The following ADARB2 variants were observed in gnomAD, a reference collection of about 807,000 sequenced individuals.
ADARB2 encodes the protein adenosine deaminase RNA specific B2 (inactive).
A neutral mutation model predicts 62.2 loss-of-function variants in ADARB2; 25 were observed. The observed-to-expected ratio is 0.40, with a 90% confidence interval of 0.29 to 0.56. The LOEUF (loss-of-function observed/expected upper bound fraction) is 0.56, where lower values mean the gene tolerates loss of function less well. Among genes scored for constraint, ADARB2 ranks in the 20% least tolerant of loss-of-function variants. The probability of loss-of-function intolerance (pLI) is 0.43; values close to 1 mark genes in which losing one functional copy is unlikely to be tolerated. For synonymous variants in ADARB2, 572 were observed against 500.8 expected, an observed-to-expected ratio of 1.14 and a Z score of -1.90; for missense variants, 1,071 against 1,077.4, an observed-to-expected ratio of 0.99 and a Z score of 0.08.
At chr10:1,232,344 CTGTGTGTGG>C (rs1279401212) in intron 6 of ADARB2, among the ~76,000 whole-genome samples, 6 of 151,834 alleles carry the variant, frequency 4.0e-5, no homozygotes, top group Non-Finnish European at 7.4e-5. Flanking sequence ...GTTGTATATG[CTGTGTGTGG>C]TGTGTGTGGT....
At chr10:1,663,620 ATT>A (rs55695844) in intron 1 of ADARB2, among the ~76,000 whole-genome samples, 9 of 148,368 alleles carry the variant, frequency 6.1e-5, no homozygotes, top group African/African-American at 1.7e-4. Flanking sequence ...TGACAAATGA[ATT>A]TTTTTTTTTT....
intron 3 of ADARB2, among the ~76,000 whole-genome samples, chr10:1,349,068 T>TA (rs1832109491): frequency 6.6e-6 from 1 of 152,082 alleles, no homozygotes; most frequent in African/African-American, 2.4e-5. Context: ...GACCTGCAGG[T>TA]ACACATCCAG....
In ADARB2 at chr10:1,351,494, T is replaced by C. The variant is rs188261995; in HGVS notation, c.1077+11534A>G. 1.6e-3 allele frequency among the ~76,000 whole-genome samples: 243 copies of C among 152,112 alleles called. 2 individuals carry two copies. The highest frequency in any genetic ancestry group is 5.7e-3 in the African/African-American group (236 of 41,486). Reference sequence around the variant, plus strand: ...CTTTTAGTTATCCCCACCTGCCCAGTTCCCTTATTAGGCCGAGACACTTTA... The same window carrying C: ...CTTTTAGTTATCCCCACCTGCCCAGCTCCCTTATTAGGCCGAGACACTTTA... On this transcript the variant is annotated intron_variant, in intron 3 of 9. Coordinates refer to ENST00000381312, the MANE Select transcript of ADARB2 (RefSeq NM_018702.4).
At chr10:1,610,379 C>T (rs1312987567) in intron 1 of ADARB2, among the ~76,000 whole-genome samples, 2 of 152,240 alleles carry the variant, frequency 1.3e-5, no homozygotes, top group African/African-American at 2.4e-5. Flanking sequence ...TTGCTCCCCT[C>T]TGTCCCCACA....
intron 1 of ADARB2, among the ~76,000 whole-genome samples, chr10:1,599,549 T>C (rs1251168908): frequency 2.0e-5 from 3 of 152,102 alleles, no homozygotes; most frequent in Non-Finnish European, 4.4e-5. Flanking sequence ...GAGCCGTTAA[T>C]TAATATTTTA....
Position 1,270,940 on chromosome 10 carries a change from A to G in ADARB2, c.1192+15T>C, listed in dbSNP as rs935344615. ...TAGAGATGAAAATGCCCACAGGAAAAGAGGAGGTGGCTACCTTTGGTCATG... is the reference window on the plus strand; with the variant it reads ...TAGAGATGAAAATGCCCACAGGAAAGGAGGAGGTGGCTACCTTTGGTCATG... On this transcript the variant is annotated intron_variant, in intron 4 of 9. Coordinates refer to ENST00000381312, the MANE Select transcript of ADARB2 (RefSeq NM_018702.4). The G allele has an allele frequency of 4.0e-5, 65 of 1,610,254 alleles. No individual in the cohort carries two copies. The highest frequency in any genetic ancestry group is 5.0e-5 in the Non-Finnish European group (59 of 1,177,194).
intron 1 of ADARB2, among the ~76,000 whole-genome samples, chr10:1,567,818 G>A (rs1164140567): frequency 6.6e-6 from 1 of 152,240 alleles, no homozygotes; most frequent in Non-Finnish European, 1.5e-5. Flanking sequence ...GAAGGAATGG[G>A]AAACTGAGGA....
At chr10:1,730,898 G>A (rs1017604902) in intron 1 of ADARB2, among the ~76,000 whole-genome samples, 33 of 152,078 alleles carry the variant, frequency 2.2e-4, no homozygotes, top group Non-Finnish European at 3.8e-4. Context: ...CCAGAAACTA[G>A]ATACTAACTG....
chr10:1,355,767 T>C (rs1832188922), intron 3 of ADARB2, among the ~76,000 whole-genome samples: 1 of 152,244 alleles, frequency 6.6e-6, no homozygotes, highest in African/African-American at 2.4e-5. Context: ...CAGAAGCTAT[T>C]ATATAAATGT....
chr10:1,325,217 T>C (rs1229807567), intron 3 of ADARB2, among the ~76,000 whole-genome samples: 1 of 152,004 alleles, frequency 6.6e-6, no homozygotes, highest in African/African-American at 2.4e-5. Context: ...GGACACAGAG[T>C]CCTCTACCGG....
chr10:1,721,365 T>C (rs1364544000), intron 1 of ADARB2, among the ~76,000 whole-genome samples: 2 of 152,220 alleles, frequency 1.3e-5, no homozygotes, highest in Non-Finnish European at 2.9e-5. Context: ...AAAGAACAAG[T>C]ATCAAACACA....
chr10:1,180,492 A>C lies in ADARB2; in HGVS notation c.*2701T>G, dbSNP rs977848438. ...CCTTCGGGCACTCCTGGCACTGTGG[A>C]ATCCTAGGACCTGGCCCTTCCTGGC... On this transcript the variant is annotated 3_prime_UTR_variant, in exon 10 of 10. Transcript: ENST00000381312. 5 of 152,724 alleles carry C rather than the reference A, an allele frequency of 3.3e-5. No homozygotes were observed. The highest frequency in any genetic ancestry group is 4.8e-5 in the African/African-American group (2 of 41,436). 9.5% of individuals were successfully genotyped at this position (152,724 alleles called of 1,614,324 possible). A position where few individuals can be genotyped will look rare whatever the true frequency, so the allele number is the denominator to read the frequency against.
intron 1 of ADARB2, among the ~76,000 whole-genome samples, chr10:1,450,006 C>T (rs1831017436): frequency 6.6e-6 from 1 of 152,204 alleles, no homozygotes; most frequent in Non-Finnish European, 1.5e-5. Flanking sequence ...GCAAGGAGGC[C>T]GTGGCCAGCA....
chr10:1,329,938 T>TTTC (rs1475834797), intron 3 of ADARB2, among the ~76,000 whole-genome samples: 1 of 111,270 alleles, frequency 9.0e-6, no homozygotes. Flanking sequence ...CCTTTTTTTT[T>TTTC]TTTTTTTTTT....
intron 1 of ADARB2, among the ~76,000 whole-genome samples, chr10:1,530,364 G>C (rs184001744): frequency 2.6e-5 from 4 of 152,128 alleles, no homozygotes; most frequent in South Asian, 2.1e-4. Context: ...AAACACTTGC[G>C]TCCTGGGTTT....
intron 3 of ADARB2, among the ~76,000 whole-genome samples, chr10:1,302,868 A>AC (rs1336807047): frequency 6.6e-6 from 1 of 151,816 alleles, no homozygotes; most frequent in Non-Finnish European, 1.5e-5. Context: ...CACACCAAAA[A>AC]CCCATCTGTA....
intron 2 of ADARB2, among the ~76,000 whole-genome samples, chr10:1,374,459 AAAGGC>A: frequency 6.6e-6 from 1 of 152,328 alleles, no homozygotes; most frequent in East Asian, 1.9e-4. Flanking sequence ...TCTGGGGGAG[AAAGGC>A]CAACGCTTTA....
At chr10:1,271,165 A>ATG (rs1359065249) in intron 3 of ADARB2, 96 bp from the exon 4 acceptor site, 2 of 971,214 alleles carry the variant, frequency 2.1e-6, no homozygotes, top group East Asian at 5.3e-5. Context: ...CCTCATCCCC[A>ATG]TGTGGCCACA....
intron 3 of ADARB2, among the ~76,000 whole-genome samples, chr10:1,321,888 G>C (rs1049524032): frequency 1.3e-5 from 2 of 152,020 alleles, no homozygotes; most frequent in African/African-American, 2.4e-5. Flanking sequence ...CAGCTGATTG[G>C]GAAGGGGAAG....
Sources: allele counts gnomAD v4.1 joint callset (sites outside exome capture counted in the v4.1 genomes callset), GRCh38; gene constraint gnomAD v4.1.1; transcripts MANE v1.5; gene names NCBI Gene and HGNC (gene_info 2026-07-23, HGNC 2026-07-21).